Variants in ASIC2 observed in about 807,000 individuals in gnomAD.
ASIC2 encodes acid sensing ion channel subunit 2, also known as acid-sensing ion channel 2.
Under a neutral mutation model 57.3 loss-of-function variants are expected in ASIC2, and 25 were observed. The ratio of observed to expected loss-of-function variants is 0.44; its 90% CI spans 0.32 to 0.61. ASIC2 has a LOEUF of 0.61. ASIC2 is among the 20% of genes least tolerant of loss of function. The pLI is 0.06. For missense variants in ASIC2, 641 were observed against 738.1 expected (o/e 0.87, Z 1.52); for synonymous variants, 319 against 307.5 (o/e 1.04, Z -0.39).
At chr17:33,848,031 G>A (rs1241306448) in intron 1 of ASIC2, among the ~76,000 whole-genome samples, 1 of 152,116 alleles carries the variant, frequency 6.6e-6, no homozygotes, top group South Asian at 2.1e-4. Flanking sequence ...AAAGAGATTT[G>A]CCTGGGGCCT....
intron 1 of ASIC2, among the ~76,000 whole-genome samples, chr17:33,391,124 C>T (rs962044811): frequency 9.9e-5 from 15 of 152,190 alleles, no homozygotes; most frequent in African/African-American, 3.4e-4. Context: ...AATATGAGAG[C>T]TGAAATGGAC....
At chr17:33,984,829 T>C (rs1371506176) in intron 1 of ASIC2, among the ~76,000 whole-genome samples, 1 of 152,142 alleles carries the variant, frequency 6.6e-6, no homozygotes, top group Non-Finnish European at 1.5e-5. Context: ...AAAGGGATGT[T>C]TCTGAGCACA....
At chr17:33,681,279 G>A (rs1055072382) in intron 1 of ASIC2, among the ~76,000 whole-genome samples, 13 of 152,222 alleles carry the variant, frequency 8.5e-5, no homozygotes, top group African/African-American at 3.1e-4. Flanking sequence ...CAGCACACAT[G>A]TACATTGGCG....
intron 3 of ASIC2, among the ~76,000 whole-genome samples, chr17:33,058,228 G>A (rs1327412134): frequency 1.3e-5 from 2 of 151,972 alleles, no homozygotes; most frequent in African/African-American, 2.4e-5. Flanking sequence ...AGGTAGGTAA[G>A]GCAGGCTGGT....
At chr17:33,098,626 CTG>C (rs2092194718) in intron 2 of ASIC2, among the ~76,000 whole-genome samples, 1 of 152,234 alleles carries the variant, frequency 6.6e-6, no homozygotes, top group Non-Finnish European at 1.5e-5. Flanking sequence ...TTGGCGAAGG[CTG>C]CAAACTTCAG....
At chr17:33,283,501 T>C (rs916029928) in intron 1 of ASIC2, among the ~76,000 whole-genome samples, 1 of 152,184 alleles carries the variant, frequency 6.6e-6, no homozygotes, top group Non-Finnish European at 1.5e-5. Context: ...CATTGCCAAC[T>C]GGAGTGTGGT....
At chr17:33,170,111 T>C (rs938783959) in intron 1 of ASIC2, among the ~76,000 whole-genome samples, 4 of 152,204 alleles carry the variant, frequency 2.6e-5, no homozygotes, top group African/African-American at 9.7e-5. Flanking sequence ...GTGGGAGTCC[T>C]TCCAAGGGAA....
chr17:33,510,100 C>T (rs1234668437), intron 1 of ASIC2, among the ~76,000 whole-genome samples: 11 of 152,166 alleles, frequency 7.2e-5, no homozygotes, highest in Non-Finnish European at 1.3e-4. Flanking sequence ...CTGGACTTTG[C>T]CTGTAACTCA....
chr17:33,989,805 G>A (rs200175655), intron 1 of ASIC2, among the ~76,000 whole-genome samples: 2 of 152,194 alleles, frequency 1.3e-5, no homozygotes, highest in East Asian at 1.9e-4. Context: ...TAGAAAACTC[G>A]TATTAACAGG....
chr17:33,671,678 A>G (rs935610229), intron 1 of ASIC2, among the ~76,000 whole-genome samples: 1 of 152,176 alleles, frequency 6.6e-6, no homozygotes, highest in South Asian at 2.1e-4. Context: ...GAAGGCTACA[A>G]TTAGTAAGTA....
At chr17:33,518,985 T>C (rs1000425544) in intron 1 of ASIC2, among the ~76,000 whole-genome samples, 4 of 152,080 alleles carry the variant, frequency 2.6e-5, no homozygotes, top group African/African-American at 7.2e-5. Flanking sequence ...TGCGTCCAGC[T>C]AATTTTTTGT....
intron 1 of ASIC2, among the ~76,000 whole-genome samples, chr17:33,795,219 T>A (rs1328823111): frequency 1.3e-5 from 2 of 152,222 alleles, no homozygotes; most frequent in African/African-American, 4.8e-5. Context: ...TTCCCTCAGT[T>A]AAGGAAGTGT....
At chr17:33,114,002 A>G (rs1338680954) in intron 1 of ASIC2, among the ~76,000 whole-genome samples, 1 of 152,206 alleles carries the variant, frequency 6.6e-6, no homozygotes, top group African/African-American at 2.4e-5. Context: ...ATATGCATAT[A>G]TTCCTACTAT....
chr17:33,328,910 T>A (rs1329513262), intron 1 of ASIC2, among the ~76,000 whole-genome samples: 1 of 152,202 alleles, frequency 6.6e-6, no homozygotes, highest in Non-Finnish European at 1.5e-5. Flanking sequence ...ATTATGTGAA[T>A]CTGAATGTTT....
At chr17:33,857,913 C>A (rs1428789669) in intron 1 of ASIC2, among the ~76,000 whole-genome samples, 3 of 152,206 alleles carry the variant, frequency 2.0e-5, no homozygotes, top group Non-Finnish European at 2.9e-5. Flanking sequence ...TGGACCAAGA[C>A]CTATAATGAG....
At chr17:33,708,443 T>A (rs745443576) in intron 1 of ASIC2, among the ~76,000 whole-genome samples, 36 of 152,240 alleles carry the variant, frequency 2.4e-4, no homozygotes, top group Non-Finnish European at 3.7e-4. Context: ...AAAATCTTTT[T>A]ACATTCATTT....
At chr17:33,814,450 G>A (rs1023873836) in intron 1 of ASIC2, among the ~76,000 whole-genome samples, 3 of 152,188 alleles carry the variant, frequency 2.0e-5, no homozygotes, top group African/African-American at 7.2e-5. Flanking sequence ...ATGTGAGACA[G>A]CAATGCACCA....
chr17:33,725,820 G>T (rs1005728959), intron 1 of ASIC2, among the ~76,000 whole-genome samples: 2 of 151,588 alleles, frequency 1.3e-5, no homozygotes, highest in Non-Finnish European at 2.9e-5. Flanking sequence ...TCCAAAGTGG[G>T]TCTCTTGTGG....
At chr17:34,059,321 G>C (rs1382505067) in intron 1 of ASIC2, among the ~76,000 whole-genome samples, 1 of 152,168 alleles carries the variant, frequency 6.6e-6, no homozygotes, top group East Asian at 1.9e-4. Flanking sequence ...CAAAATACAG[G>C]GGTAGAGGAA....
Sources: gnomAD v4.1 joint callset for allele counts (sites outside exome capture counted in the v4.1 genomes callset) on GRCh38, gnomAD v4.1.1 for gene constraint, MANE v1.5 for transcripts, NCBI Gene and HGNC (gene_info 2026-07-23, HGNC 2026-07-21) for gene names.